The following CNTNAP5 variants were observed in gnomAD, a reference collection of about 807,000 sequenced individuals.
CNTNAP5 encodes the protein contactin-associated protein-like 5.
In CNTNAP5, 72 loss-of-function variants were observed where a neutral mutation model predicts 150.2. The ratio of observed to expected loss-of-function variants is 0.48; its 90% CI spans 0.40 to 0.58. The LOEUF is 0.58. Among genes scored for constraint, CNTNAP5 ranks in the 20% least tolerant of loss-of-function variants. The pLI is 0.00. For synonymous variants in CNTNAP5, 672 were observed against 619.8 expected, an observed-to-expected ratio of 1.08 and a Z score of -1.25; for missense variants, 1,636 against 1,626.2, an observed-to-expected ratio of 1.01 and a Z score of -0.10.
At chr2:124,107,668 G>T (rs959999025) in intron 1 of CNTNAP5, among the ~76,000 whole-genome samples, 3 of 152,190 alleles carry the variant, frequency 2.0e-5, no homozygotes, top group African/African-American at 7.2e-5. Context: ...CAAGTAGACT[G>T]TATGTTCTTG....
chr2:124,679,433 G>T (rs1304501370), intron 13 of CNTNAP5, among the ~76,000 whole-genome samples: 1 of 151,840 alleles, frequency 6.6e-6, no homozygotes, highest in Non-Finnish European at 1.5e-5. Context: ...ATCACATATG[G>T]TGACCCTCAT....
At chr2:124,707,742 T>C (rs888886205) in intron 13 of CNTNAP5, among the ~76,000 whole-genome samples, 2 of 152,128 alleles carry the variant, frequency 1.3e-5, no homozygotes, top group African/African-American at 4.8e-5. Context: ...TTCTGTAAAA[T>C]GGGCATCTCT....
chr2:124,675,418 A>G (rs1016366109), intron 13 of CNTNAP5, among the ~76,000 whole-genome samples: 2 of 152,018 alleles, frequency 1.3e-5, no homozygotes, highest in Admixed American at 6.6e-5. Flanking sequence ...TTTTGTATCA[A>G]TCTCTACCTT....
intron 19 of CNTNAP5, among the ~76,000 whole-genome samples, chr2:124,853,164 T>G (rs909315623): frequency 2.0e-5 from 3 of 152,162 alleles, no homozygotes; most frequent in African/African-American, 7.2e-5. Flanking sequence ...TATCCCTCAG[T>G]GGTGGTCCAG....
At chr2:124,243,843 G>A (rs1187254513) in intron 3 of CNTNAP5, among the ~76,000 whole-genome samples, 4 of 151,954 alleles carry the variant, frequency 2.6e-5, no homozygotes, top group Non-Finnish European at 5.9e-5. Flanking sequence ...ATTGTATTTT[G>A]GGGACTATTT....
At chr2:124,247,676 T>C (rs2104775565) in intron 3 of CNTNAP5, among the ~76,000 whole-genome samples, 1 of 152,252 alleles carries the variant, frequency 6.6e-6, no homozygotes, top group Middle Eastern at 3.4e-3. Context: ...GGAAGATGTA[T>C]TAAGGACACA....
intron 1 of CNTNAP5, among the ~76,000 whole-genome samples, chr2:124,166,737 A>G (rs938505488): frequency 4.6e-5 from 7 of 152,184 alleles, no homozygotes; most frequent in African/African-American, 1.7e-4. Flanking sequence ...CAAATCAGAC[A>G]ATTAGGCTTT....
At chr2:124,030,524 T>C (rs1681016104) in intron 1 of CNTNAP5, among the ~76,000 whole-genome samples, 1 of 152,146 alleles carries the variant, frequency 6.6e-6, no homozygotes, top group South Asian at 2.1e-4. Context: ...ACATTCACTT[T>C]GACACTGTGT....
chr2:124,159,655 C>T (rs957079699), intron 1 of CNTNAP5, among the ~76,000 whole-genome samples: 3 of 152,160 alleles, frequency 2.0e-5, no homozygotes, highest in Non-Finnish European at 4.4e-5. Context: ...CTAGGTTTGC[C>T]TCTACAGCTA....
In CNTNAP5 at chr2:124,342,731, A is replaced by G. The variant is rs547228914; in HGVS notation, c.382-74712A>G. On this transcript the variant is annotated intron_variant, in intron 3 of 23. Coordinates refer to ENST00000682447, the MANE Select transcript of CNTNAP5 (RefSeq NM_001367498.1). Reference sequence around the variant, plus strand: ...TTCAATTCTGTTCACAAAAGTACACATTATGAAATTGAAGCAAGCTATAGA... The same window carrying G: ...TTCAATTCTGTTCACAAAAGTACACGTTATGAAATTGAAGCAAGCTATAGA... Among the ~76,000 whole-genome samples the G allele has an allele frequency of 2.4e-4, 36 of 152,332 alleles. No homozygotes were observed. In the South Asian group the frequency reaches 6.8e-3, roughly 29 times the overall value.
chr2:124,536,607 T>C (rs1184105551), intron 10 of CNTNAP5, among the ~76,000 whole-genome samples: 1 of 152,174 alleles, frequency 6.6e-6, no homozygotes, highest in African/African-American at 2.4e-5. Context: ...GGGATTCGAA[T>C]TCAGGTTTTT....
chr2:124,251,353 C>T (rs1687171378), intron 3 of CNTNAP5, among the ~76,000 whole-genome samples: 1 of 150,956 alleles, frequency 6.6e-6, no homozygotes, highest in African/African-American at 2.4e-5. Context: ...AGTTATTTAA[C>T]CTTGAATACT....
intron 11 of CNTNAP5, among the ~76,000 whole-genome samples, chr2:124,580,925 G>A (rs929672061): frequency 6.6e-5 from 10 of 152,206 alleles, no homozygotes; most frequent in African/African-American, 2.4e-4. Flanking sequence ...GGAGAAGCGA[G>A]GCCTTACAGG....
chr2:124,163,638 C>G (rs2104652624), intron 1 of CNTNAP5, among the ~76,000 whole-genome samples: 1 of 152,264 alleles, frequency 6.6e-6, no homozygotes, highest in Non-Finnish European at 1.5e-5. Context: ...ATTTTGAAAG[C>G]AATGTGGTTT....
chr2:124,115,503 C>T (rs539886040), intron 1 of CNTNAP5, among the ~76,000 whole-genome samples: 44 of 152,066 alleles, frequency 2.9e-4, no homozygotes, highest in Non-Finnish European at 5.6e-4. Flanking sequence ...GAGTGGGCTG[C>T]TGGCAGAGCT....
At chr2:124,164,845 A>T (rs191961210) in intron 1 of CNTNAP5, among the ~76,000 whole-genome samples, 4 of 152,252 alleles carry the variant, frequency 2.6e-5, no homozygotes, top group Admixed American at 6.5e-5. Flanking sequence ...TAGAGGGTAG[A>T]TCTCAGCTGG....
chr2:124,880,784 T>C (rs1284472100), intron 21 of CNTNAP5, among the ~76,000 whole-genome samples: 2 of 152,162 alleles, frequency 1.3e-5, no homozygotes, highest in African/African-American at 4.8e-5. Flanking sequence ...AGGATATAAA[T>C]AGTTTTGATA....
At chr2:124,052,186 T>C (rs1681714270) in intron 1 of CNTNAP5, among the ~76,000 whole-genome samples, 1 of 152,086 alleles carries the variant, frequency 6.6e-6, no homozygotes, top group Admixed American at 6.5e-5. Flanking sequence ...ACATCTGGAG[T>C]AGCATGAACT....
At chr2:124,194,030 G>T (rs539065659) in intron 1 of CNTNAP5, among the ~76,000 whole-genome samples, 4 of 152,176 alleles carry the variant, frequency 2.6e-5, no homozygotes, top group Non-Finnish European at 5.9e-5. Flanking sequence ...TCTTTCTTGC[G>T]ATAGCTTTGT....
Sources: allele counts gnomAD v4.1 joint callset (sites outside exome capture counted in the v4.1 genomes callset), GRCh38; gene constraint gnomAD v4.1.1; transcripts MANE v1.5; gene names NCBI Gene and HGNC (gene_info 2026-07-23, HGNC 2026-07-21).